The following HPSE2 variants were observed in gnomAD, a reference collection of about 807,000 sequenced individuals.
HPSE2 encodes inactive heparanase-2.
In HPSE2, 38 loss-of-function variants were observed where a neutral mutation model predicts 60.5. The ratio of observed to expected loss-of-function variants is 0.63; its 90% CI spans 0.48 to 0.82. The LOEUF (loss-of-function observed/expected upper bound fraction) is 0.82, where lower values mean the gene tolerates loss of function less well. Among genes scored for constraint, HPSE2 ranks in the 40% least tolerant of loss-of-function variants. HPSE2 has a pLI of 0.00. For synonymous variants in HPSE2, 295 were observed against 293.2 expected, an observed-to-expected ratio of 1.01 and a Z score of -0.06; for missense variants, 713 against 740.4, an observed-to-expected ratio of 0.96 and a Z score of 0.43.
At chr10:98,886,834 T>C (rs1005982219) in intron 3 of HPSE2, among the ~76,000 whole-genome samples, 6 of 152,108 alleles carry the variant, frequency 3.9e-5, no homozygotes, top group Non-Finnish European at 7.4e-5. Flanking sequence ...AACAGGGAAC[T>C]GGAAGTCAGA....
At chr10:98,912,100 T>C (rs1953994614) in intron 3 of HPSE2, among the ~76,000 whole-genome samples, 1 of 152,164 alleles carries the variant, frequency 6.6e-6, no homozygotes, top group South Asian at 2.1e-4. Flanking sequence ...AGGAGACAGA[T>C]TCAAGAGGTA....
rs577018026 is a variant in HPSE2 at position 98,945,361 on chromosome 10, T to TA, written c.610+198876dup. 5.8e-3 allele frequency among the ~76,000 whole-genome samples: 879 copies of TA among 152,242 alleles called. 6 individuals are homozygous for TA. The highest frequency in any genetic ancestry group is 0.019 in the African/African-American group (809 of 41,532). On this transcript the variant is annotated intron_variant, in intron 3 of 11. Coordinates refer to ENST00000370552, the MANE Select transcript of HPSE2 (RefSeq NM_021828.5). ...ATTTCCAGAATTCACTCCTTTTCTT[T>TA]AAAAAATGACCTTTGGCTCACATTT... is the stretch of plus-strand genomic sequence containing the variant.
At chr10:98,722,157 A>G (rs1007700317) in intron 4 of HPSE2, among the ~76,000 whole-genome samples, 3 of 150,292 alleles carry the variant, frequency 2.0e-5, no homozygotes, top group African/African-American at 7.4e-5. Flanking sequence ...GAATCTCAGA[A>G]TGTGAGCTCA....
chr10:98,883,349 A>T (rs1358787743), intron 3 of HPSE2, among the ~76,000 whole-genome samples: 1 of 152,170 alleles, frequency 6.6e-6, no homozygotes, highest in Admixed American at 6.6e-5. Flanking sequence ...AAAGATAGTT[A>T]AAACCTAAAA....
intron 3 of HPSE2, among the ~76,000 whole-genome samples, chr10:98,760,779 C>G (rs1315510628): frequency 6.6e-6 from 1 of 151,974 alleles, no homozygotes; most frequent in Non-Finnish European, 1.5e-5. Context: ...TGACCTTGTC[C>G]AGCTTTGGTA....
At chr10:98,993,825 CCTTT>C (rs1406514684) in intron 3 of HPSE2, among the ~76,000 whole-genome samples, 2 of 152,248 alleles carry the variant, frequency 1.3e-5, no homozygotes, top group East Asian at 3.9e-4. Context: ...TATTAGTTGA[CCTTT>C]CTGATTTCAT....
At chr10:98,695,080 G>T (rs889240695) in intron 5 of HPSE2, among the ~76,000 whole-genome samples, 7 of 152,200 alleles carry the variant, frequency 4.6e-5, no homozygotes, top group African/African-American at 1.7e-4. Context: ...CTAAACAGAG[G>T]CTCTGATTTG....
chr10:99,033,617 C>A (rs1176533148), intron 3 of HPSE2, among the ~76,000 whole-genome samples: 1 of 151,994 alleles, frequency 6.6e-6, no homozygotes, highest in Non-Finnish European at 1.5e-5. Flanking sequence ...CTCATCTCTA[C>A]TAAAAATACA....
chr10:99,062,332 T>C (rs1414579804), intron 3 of HPSE2, among the ~76,000 whole-genome samples: 1 of 152,162 alleles, frequency 6.6e-6, no homozygotes, highest in Non-Finnish European at 1.5e-5. Flanking sequence ...GAAGAATTTA[T>C]ATTATTTAAT....
chr10:98,544,708 G>T (rs1232264867), intron 9 of HPSE2, among the ~76,000 whole-genome samples: 3 of 55,700 alleles, frequency 5.4e-5, no homozygotes, highest in Admixed American at 7.4e-4. Flanking sequence ...GCGAGACTCC[G>T]TCTCAAAAAA....
chr10:98,661,816 T>C (rs1352343902), intron 6 of HPSE2, among the ~76,000 whole-genome samples: 1 of 152,206 alleles, frequency 6.6e-6, no homozygotes, highest in African/African-American at 2.4e-5. Context: ...TCAATTTAAG[T>C]CTAAACTCTT....
Position 98,868,905 on chromosome 10 carries a change from C to A in HPSE2, c.611-124849G>T, listed in dbSNP as rs1004164074. 5.9e-5 allele frequency among the ~76,000 whole-genome samples: 9 copies of A among 152,062 alleles called. No homozygotes were observed. The South Asian group carries it at 6.2e-4, about 11-fold the overall frequency. On this transcript the variant is annotated intron_variant, in intron 3 of 11. Coordinates refer to ENST00000370552, the MANE Select transcript of HPSE2 (RefSeq NM_021828.5). ...AAATGTGGATTTTTCTAGTTAAAAT[C>A]TTTTAAAATTATTTTGTGGTCAGAA...
At chr10:99,017,695 A>G (rs919956080) in intron 3 of HPSE2, among the ~76,000 whole-genome samples, 2 of 152,090 alleles carry the variant, frequency 1.3e-5, no homozygotes, top group Admixed American at 1.3e-4. Context: ...TACTACCTCA[A>G]TTTCAAAGCC....
At chr10:98,936,384 C>G (rs1263225041) in intron 3 of HPSE2, among the ~76,000 whole-genome samples, 1 of 143,776 alleles carries the variant, frequency 7.0e-6, no homozygotes, top group Non-Finnish European at 1.5e-5. Context: ...CCTGCCTGAA[C>G]AGCTGCCCAG....
chr10:98,726,628 AGT>A (rs1949088805), intron 4 of HPSE2, among the ~76,000 whole-genome samples: 1 of 92,020 alleles, frequency 1.1e-5, no homozygotes. Flanking sequence ...TAAAACTTAA[AGT>A]ATAATAATAA....
chr10:98,680,298 T>C (rs1324483960), intron 6 of HPSE2, among the ~76,000 whole-genome samples: 1 of 152,208 alleles, frequency 6.6e-6, no homozygotes, highest in Non-Finnish European at 1.5e-5. Context: ...TCTATAGACA[T>C]AGTTTTTTTT....
intron 9 of HPSE2, among the ~76,000 whole-genome samples, chr10:98,556,724 G>T (rs1008891876): frequency 1.3e-5 from 2 of 152,200 alleles, no homozygotes; most frequent in African/African-American, 4.8e-5. Context: ...TTGTAAAGAT[G>T]TTAATTAATC....
intron 6 of HPSE2, among the ~76,000 whole-genome samples, chr10:98,647,005 T>C (rs1185975107): frequency 6.6e-6 from 1 of 152,214 alleles, no homozygotes; most frequent in Non-Finnish European, 1.5e-5. Context: ...CCTATTCAAC[T>C]AGCATTTAAA....
At chr10:99,112,412 G>GTT (rs1399512942) in intron 3 of HPSE2, among the ~76,000 whole-genome samples, 1,271 of 88,036 alleles carry the variant, frequency 0.014, 15 homozygotes, top group African/African-American at 0.032. Context: ...GCTTTTTTTT[G>GTT]TTGTGTTTTG....
Sources: gnomAD v4.1 joint callset for allele counts (sites outside exome capture counted in the v4.1 genomes callset) on GRCh38, gnomAD v4.1.1 for gene constraint, MANE v1.5 for transcripts, NCBI Gene and HGNC (gene_info 2026-07-23, HGNC 2026-07-21) for gene names.